BRIX1: variants seen among roughly 807,000 people sequenced by gnomAD.
BRIX1 encodes the protein ribosome biogenesis protein BRX1 homolog.
BRIX1 carries 15 observed loss-of-function variants against 44.0 expected under a neutral mutation model. The observed-to-expected ratio is 0.34, with a 90% CI of 0.23 to 0.53. The LOEUF is 0.53. BRIX1 is among the 20% of genes least tolerant of loss of function. The pLI is 0.95. For synonymous variants in BRIX1, 149 were observed against 135.4 expected (o/e 1.10, Z -0.70); for missense variants, 420 against 432.8 (o/e 0.97, Z 0.26).
At chr5:34,921,318 T>A (rs555047817) in intron 3 of BRIX1, 1 of 152,194 alleles carries the variant, frequency 6.6e-6, no homozygotes, top group Non-Finnish European at 1.5e-5. Flanking sequence ...AGGTTTGATA[T>A]ACTTAGGCTT....
Position 34,924,917 on chromosome 5 carries a change from A to G in BRIX1, c.734A>G (p.Gln245Arg). 1.2e-6 allele frequency: 2 copies of G among 1,613,040 alleles called. No homozygotes were observed. The highest frequency in any genetic ancestry group is 1.7e-6 in the Non-Finnish European group (2 of 1,179,122). Residue 245 changes from glutamine (Q) to arginine (R), a missense_variant, in exon 9 of 10, where the codon CAG (glutamine) becomes CGG (arginine). Transcript: ENST00000336767. ...GTCTTAAATCTCATAAAGATTTTCC[A>G]GGGAAGTTTTGGAGGACCAACTTTA... The part of the protein sequence containing the change: ...RFVLNLIKIF[Q>R]GSFGGPTLYE...
intron 2 of BRIX1, chr5:34,919,109 G>T (rs1472789135): frequency 6.7e-6 from 1 of 148,336 alleles, no homozygotes; most frequent in Non-Finnish European, 1.5e-5. Flanking sequence ...AAAAAAAAAT[G>T]AAAAAAGTAA....
chr5:34,921,096 C>G (rs1233110604), intron 3 of BRIX1: 1 of 152,218 alleles, frequency 6.6e-6, no homozygotes, highest in African/African-American at 2.4e-5. Flanking sequence ...CTACCTCGGC[C>G]TCCCAAAGTG....
At chr5:34,917,579 G>A (rs895003903) in intron 1 of BRIX1, among the ~76,000 whole-genome samples, 13 of 152,152 alleles carry the variant, frequency 8.5e-5, no homozygotes, top group Admixed American at 2.6e-4. Context: ...GGTGGAGGTT[G>A]CAGTGAGCCG....
chr5:34,924,214 G>A lies in BRIX1; in HGVS notation c.664-633G>A, dbSNP rs1261163145. Among the ~76,000 whole-genome samples, 5 of 152,262 alleles carry A rather than the reference G, an allele frequency of 3.3e-5. No homozygotes were observed. The East Asian group carries it at 7.7e-4, about 24-fold the overall frequency. ...GATAAGTGCAGAAAGATGAAGAGGTGGAAGAGAACAGCAAGAACAAAATTT... is the reference window on the plus strand; with the variant it reads ...GATAAGTGCAGAAAGATGAAGAGGTAGAAGAGAACAGCAAGAACAAAATTT... On this transcript the variant is annotated intron_variant, in intron 8 of 9. Coordinates refer to ENST00000336767, the MANE Select transcript of BRIX1 (RefSeq NM_018321.4).
At chr5:34,921,907 CAAAAAAAAAAAA>C (rs57343458) in intron 3 of BRIX1, 1 of 35,304 alleles carries the variant, frequency 2.8e-5, no homozygotes, top group African/African-American at 9.7e-5. Context: ...AACTGCATCG[CAAAAAAAAAAAA>C]AAAAAAAAGG....
chr5:34,916,254 T>G (rs1764086305), intron 1 of BRIX1: 1 of 175,656 alleles, frequency 5.7e-6, no homozygotes, highest in African/African-American at 2.4e-5. Context: ...ATTTCTCCAG[T>G]GATTAGTATG....
chr5:34,915,990 A>G (rs890339453), intron 1 of BRIX1, 93 bp downstream of exon 1: 1 of 1,393,966 alleles, frequency 7.2e-7, no homozygotes, highest in East Asian at 2.7e-5. Context: ...GCTTAATTTC[A>G]GAGTAGCCCG....
Position 34,922,251 on chromosome 5 carries a change from A to G in BRIX1, c.350A>G (p.Tyr117Cys). The change falls in exon 4 of 10, where the codon TAT (tyrosine) becomes TGT (cysteine). Residue 117 changes from tyrosine to cysteine, a missense_variant. Physicochemically the swap from Tyr to Cys is radical, Grantham distance 194. Coordinates refer to ENST00000336767, the MANE Select transcript of BRIX1 (RefSeq NM_018321.4). ...CEMKNCNKCIYFEAKKKQDLY... is the reference protein window; with the variant it reads ...CEMKNCNKCICFEAKKKQDLY... The stretch of plus-strand genomic sequence containing the variant: ...ATGAAGAACTGTAATAAATGCATCT[A>G]TTTTGAAGCTAAGAAAAAACAGGAT... 5.6e-6 allele frequency: 9 copies of G among 1,593,236 alleles called. No individual in the cohort carries two copies. The highest frequency in any genetic ancestry group is 2.7e-5 in the African/African-American group (2 of 74,412).
At chr5:34,917,815 C>T (rs1764150161) in intron 1 of BRIX1, among the ~76,000 whole-genome samples, 1 of 152,004 alleles carries the variant, frequency 6.6e-6, no homozygotes, top group Non-Finnish European at 1.5e-5. Flanking sequence ...TATGAGACAT[C>T]TGTCATGGAG....
chr5:34,917,651 C>T (rs1764146576), intron 1 of BRIX1, among the ~76,000 whole-genome samples: 2 of 151,878 alleles, frequency 1.3e-5, no homozygotes, highest in Admixed American at 1.3e-4. Context: ...AACAAACAAA[C>T]AAAAAAAGTA....
rs1764077903 is a variant in BRIX1, at chr5:34,916,123, C to T, written c.159+226C>T. 3.4e-5 allele frequency: 15 copies of T among 440,382 alleles called. No homozygotes were observed. In the South Asian group the frequency reaches 7.2e-4, roughly 21 times the overall value. The allele number at this position is 440,382 out of a possible 1,614,324, so 27.3% of individuals were successfully genotyped here. A position where few individuals can be genotyped will look rare whatever the true frequency, so the allele number is the denominator to read the frequency against. ...GCGGGTTTTAAAACCTTTACCCGGC[C>T]CACGGGGAAGCGACTTACAGGGTGC... On this transcript the variant is annotated intron_variant, in intron 1 of 9. Coordinates refer to ENST00000336767, the MANE Select transcript of BRIX1 (RefSeq NM_018321.4).
chr5:34,920,906 C>G (rs1764224718), intron 3 of BRIX1: 1 of 151,930 alleles, frequency 6.6e-6, no homozygotes, highest in Non-Finnish European at 1.5e-5. Flanking sequence ...TCTCTGTTAC[C>G]CAGGCTGGAG....
chr5:34,918,245 C>T (rs1764161022), intron 1 of BRIX1, 119 bp from the exon 2 acceptor site: 1 of 524,212 alleles, frequency 1.9e-6, no homozygotes, highest in Non-Finnish European at 3.4e-6. Context: ...AGCCCAGGAA[C>T]TTGAAACTGC....
intron 3 of BRIX1, chr5:34,921,098 C>A (rs932282503): frequency 2.0e-5 from 3 of 152,186 alleles, no homozygotes; most frequent in Non-Finnish European, 4.4e-5. Context: ...ACCTCGGCCT[C>A]CCAAAGTGCT....
intron 2 of BRIX1, 43 bp downstream of exon 2, chr5:34,918,518 T>C (rs759472010): frequency 1.8e-6 from 2 of 1,101,982 alleles, no homozygotes; most frequent in Admixed American, 5.0e-5. Context: ...ATCTATAAAC[T>C]TACCTATTTT....
chr5:34,922,459 CATATT>C, intron 4 of BRIX1, 75 bp from the exon 5 acceptor site: 1 of 959,542 alleles, frequency 1.0e-6, no homozygotes, highest in South Asian at 1.4e-5. Flanking sequence ...ATATTATAAG[CATATT>C]ATTTATGGTG....
rs544230449 is a variant in BRIX1 at position 34,922,412 on chromosome 5, C to T, written c.386+125C>T. 214 of 892,440 alleles carry T rather than the reference C, an allele frequency of 2.4e-4. No homozygotes were observed. The African/African-American group carries it at 2.6e-3, about 11-fold the overall frequency. The allele number at this position is 892,440 out of a possible 1,614,324, so 55.3% of individuals were successfully genotyped here. ...AGAATGAAGCAAACTTTTGATTTCA[C>T]GAAACTTGATACCTTTAAAGAAAAT... On this transcript the variant is annotated intron_variant, in intron 4 of 9. Transcript: ENST00000336767.
chr5:34,923,472 T>G, intron 8 of BRIX1: 1 of 473,964 alleles, frequency 2.1e-6, no homozygotes, highest in East Asian at 3.7e-5. Context: ...GAGACGGGGT[T>G]TCGCCATGTT....
Sources: gnomAD v4.1 joint callset for allele counts (sites outside exome capture counted in the v4.1 genomes callset) on GRCh38, gnomAD v4.1.1 for gene constraint, MANE v1.5 for transcripts, NCBI Gene and HGNC (gene_info 2026-07-23, HGNC 2026-07-21) for gene names.